Variants in DCC observed in about 807,000 individuals in gnomAD.
DCC encodes netrin receptor DCC.
A neutral mutation model predicts 172.5 loss-of-function variants in DCC; 58 were observed. The ratio of observed to expected loss-of-function variants is 0.34; its 90% CI spans 0.27 to 0.42. The LOEUF is 0.42. Ranked by LOEUF, DCC falls within the 10% of genes least tolerant of loss-of-function variation. The pLI is 1.00. For missense variants in DCC, 1,740 were observed against 1,791.0 expected (o/e 0.97, Z 0.51); for synonymous variants, 709 against 644.5 (o/e 1.10, Z -1.52).
intron 1 of DCC, among the ~76,000 whole-genome samples, chr18:52,648,900 A>C (rs2035068603): frequency 6.6e-6 from 1 of 152,180 alleles, no homozygotes; most frequent in Non-Finnish European, 1.5e-5. Flanking sequence ...AAAAGGGTGG[A>C]CGTTTCAGTG....
chr18:52,697,769 A>G (rs955571200), intron 1 of DCC, among the ~76,000 whole-genome samples: 1 of 152,234 alleles, frequency 6.6e-6, no homozygotes, highest in African/African-American at 2.4e-5. Flanking sequence ...TGAATATGTA[A>G]TGTAATCATT....
intron 2 of DCC, among the ~76,000 whole-genome samples, chr18:52,884,977 C>A (rs1244032722): frequency 6.6e-6 from 1 of 152,078 alleles, no homozygotes; most frequent in African/African-American, 2.4e-5. Context: ...CATGCAGAAA[C>A]TCTCATTCAT....
intron 24 of DCC, 72 bp downstream of exon 24, chr18:53,459,530 T>G: frequency 1.1e-6 from 1 of 921,484 alleles, no homozygotes; most frequent in Non-Finnish European, 1.8e-6. Flanking sequence ...ACTCCTTTTA[T>G]GGAAATGTCT....
intron 1 of DCC, among the ~76,000 whole-genome samples, chr18:52,476,657 G>C (rs1598848661): frequency 6.6e-6 from 1 of 152,076 alleles, no homozygotes; most frequent in Non-Finnish European, 1.5e-5. Flanking sequence ...ATTTTAGTCC[G>C]GGGTCTGGTT....
At chr18:52,905,407 C>T (rs2145446113) in intron 2 of DCC, among the ~76,000 whole-genome samples, 1 of 152,266 alleles carries the variant, frequency 6.6e-6, no homozygotes, top group Middle Eastern at 3.4e-3. Context: ...TCTAGAAACA[C>T]AAGCTATCCT....
At chr18:53,035,858 T>C (rs2042085490) in intron 5 of DCC, among the ~76,000 whole-genome samples, 1 of 151,716 alleles carries the variant, frequency 6.6e-6, no homozygotes, top group Non-Finnish European at 1.5e-5. Flanking sequence ...GACATCCTTA[T>C]ACACACTTCC....
chr18:52,562,508 G>A (rs991451056), intron 1 of DCC, among the ~76,000 whole-genome samples: 4 of 152,068 alleles, frequency 2.6e-5, no homozygotes, highest in Non-Finnish European at 5.9e-5. Context: ...ATGGAAAATA[G>A]CAAATAGAAA....
intron 1 of DCC, among the ~76,000 whole-genome samples, chr18:52,524,661 C>A (rs866727638): frequency 1.6e-4 from 24 of 152,296 alleles, no homozygotes; most frequent in Admixed American, 8.5e-4. Context: ...TATATGCTCA[C>A]TTTATCCCTC....
At chr18:52,838,781 A>G (rs945680298) in intron 2 of DCC, among the ~76,000 whole-genome samples, 7 of 152,236 alleles carry the variant, frequency 4.6e-5, no homozygotes, top group Non-Finnish European at 1.0e-4. Context: ...GAGCCAGGAC[A>G]ACAGTGAATT....
chr18:52,990,905 G>A (rs573588526), intron 5 of DCC, among the ~76,000 whole-genome samples: 1 of 150,002 alleles, frequency 6.7e-6, no homozygotes, highest in African/African-American at 2.5e-5. Context: ...TGCCATGCAT[G>A]AGCCAATCAA....
At chr18:52,794,085 G>A (rs1405511940) in intron 2 of DCC, among the ~76,000 whole-genome samples, 2 of 152,046 alleles carry the variant, frequency 1.3e-5, no homozygotes, top group Non-Finnish European at 2.9e-5. Context: ...GTAGTATGAT[G>A]CTTCTAGCTT....
At chr18:52,851,577 T>C (rs755928127) in intron 2 of DCC, among the ~76,000 whole-genome samples, 1 of 152,084 alleles carries the variant, frequency 6.6e-6, no homozygotes, top group Non-Finnish European at 1.5e-5. Context: ...CATTTATCAT[T>C]TCCTGAAAAC....
At chr18:53,519,425 C>A (rs1488063382) in intron 27 of DCC, among the ~76,000 whole-genome samples, 4 of 151,898 alleles carry the variant, frequency 2.6e-5, no homozygotes, top group African/African-American at 7.3e-5. Flanking sequence ...GGCCTATTTG[C>A]AAAATGAAAG....
intron 1 of DCC, among the ~76,000 whole-genome samples, chr18:52,569,452 T>C (rs1363690777): frequency 1.3e-5 from 2 of 152,200 alleles, no homozygotes; most frequent in African/African-American, 4.8e-5. Context: ...TATTGCTATG[T>C]ATACTAAAAT....
intron 7 of DCC, among the ~76,000 whole-genome samples, chr18:53,119,740 T>C (rs979318273): frequency 1.3e-5 from 2 of 151,790 alleles, no homozygotes; most frequent in African/African-American, 4.8e-5. Context: ...TTGTTGTAGT[T>C]TCCAGTCACC....
intron 19 of DCC, among the ~76,000 whole-genome samples, chr18:53,403,901 A>G (rs1909478910): frequency 6.6e-6 from 1 of 152,226 alleles, no homozygotes; most frequent in Non-Finnish European, 1.5e-5. Flanking sequence ...ATTTAAGTTG[A>G]AAATTTGTTT....
chr18:53,260,173 T>C (rs2144679893), intron 12 of DCC, among the ~76,000 whole-genome samples: 1 of 152,270 alleles, frequency 6.6e-6, no homozygotes, highest in South Asian at 2.1e-4. Flanking sequence ...TTGGAGTAGT[T>C]TGATCGTCTG....
At chr18:52,893,147 T>A (rs992974775) in intron 2 of DCC, among the ~76,000 whole-genome samples, 1 of 152,158 alleles carries the variant, frequency 6.6e-6, no homozygotes, top group Non-Finnish European at 1.5e-5. Flanking sequence ...ATTGAAAACT[T>A]GTTTCATTTA....
intron 1 of DCC, among the ~76,000 whole-genome samples, chr18:52,678,154 G>A (rs1419978404): frequency 6.6e-6 from 1 of 152,038 alleles, no homozygotes; most frequent in Non-Finnish European, 1.5e-5. Flanking sequence ...CAAAAACTCT[G>A]CCCTCCCTCT....
Sources: gnomAD v4.1 joint callset for allele counts (sites outside exome capture counted in the v4.1 genomes callset) on GRCh38, gnomAD v4.1.1 for gene constraint, MANE v1.5 for transcripts, NCBI Gene and HGNC (gene_info 2026-07-23, HGNC 2026-07-21) for gene names.